NLRP14: variants seen among roughly 807,000 people sequenced by gnomAD.
NLRP14 encodes NLR family pyrin domain containing 14, also known as NACHT, LRR and PYD domains-containing protein 14.
NLRP14 carries 105 observed loss-of-function variants against 94.7 expected under a neutral mutation model. That is an observed-to-expected ratio of 1.11 (90% CI 0.95 to 1.30). The LOEUF (loss-of-function observed/expected upper bound fraction) is 1.30, where lower values mean the gene tolerates loss of function less well. Ranked by LOEUF, NLRP14 falls within the 50% of genes most tolerant of loss-of-function variation. The probability of loss-of-function intolerance (pLI) is 0.00; values close to 1 mark genes in which losing one functional copy is unlikely to be tolerated. For synonymous variants in NLRP14, 508 were observed against 459.9 expected (o/e 1.10, Z -1.34); for missense variants, 1,362 against 1,254.1 (o/e 1.09, Z -1.30).
chr11:7,046,610 T>A, intron 4 of NLRP14, 58 bp from the exon 5 acceptor site: 1 of 1,494,128 alleles, frequency 6.7e-7, no homozygotes, highest in Non-Finnish European at 9.3e-7. Flanking sequence ...CCTCTGAGAG[T>A]TGGCTAGGCT....
chr11:7,062,472 A>T lies in NLRP14; in HGVS notation c.2944A>T (p.Arg982Ter), dbSNP rs747517570. Residue 982 changes from arginine (R) to a stop codon, truncating the protein, a stop_gained, in exon 10 of 12, where the codon AGA becomes TGA. Transcript: ENST00000299481. LOFTEE classifies it high-confidence loss of function. The part of the protein sequence containing the change: ...DGVKILCDAL[R>*]YPNCNIQRLG... Reference sequence around the variant, plus strand: ...AGTGAAAATTCTGTGTGATGCTTTGAGATATCCAAACTGTAACATTCAGAG... The same window carrying T: ...AGTGAAAATTCTGTGTGATGCTTTGTGATATCCAAACTGTAACATTCAGAG... 1.9e-6 allele frequency: 3 copies of T among 1,613,122 alleles called. No individual in the cohort carries two copies. In the South Asian group the frequency reaches 3.3e-5, roughly 18 times the overall value.
chr11:7,063,677 A>G (rs991045599), intron 10 of NLRP14, among the ~76,000 whole-genome samples: 3 of 151,982 alleles, frequency 2.0e-5, no homozygotes, highest in African/African-American at 7.2e-5. Flanking sequence ...TCCATTGGCC[A>G]CTCTGATTAA....
At chr11:7,051,617 TTTC>T (rs1000281589) in intron 6 of NLRP14, among the ~76,000 whole-genome samples, 2 of 152,222 alleles carry the variant, frequency 1.3e-5, no homozygotes, top group African/African-American at 2.4e-5. Context: ...AATCACTAAT[TTTC>T]TTCTTTCTTT....
intron 1 of NLRP14, among the ~76,000 whole-genome samples, chr11:7,032,302 A>G (rs1394816607): frequency 6.6e-6 from 1 of 152,188 alleles, no homozygotes; most frequent in Non-Finnish European, 1.5e-5. Flanking sequence ...GTTTTGCTGT[A>G]TGACGAGGTC....
chr11:7,077,079 G>A, the NLRP14 span, among the ~76,000 whole-genome samples: 1 of 152,182 alleles, frequency 6.6e-6, no homozygotes, highest in Non-Finnish European at 1.5e-5. Context: ...TCCGGTGGGA[G>A]TCCCGGGATT....
intron 3 of NLRP14, among the ~76,000 whole-genome samples, chr11:7,040,165 T>C (rs1049521677): frequency 1.6e-4 from 24 of 152,338 alleles, no homozygotes; most frequent in African/African-American, 5.8e-4. Flanking sequence ...AACTGGTTCA[T>C]ATAAAAACTG....
Position 7,057,852 on chromosome 11 carries a change from G to A in NLRP14, c.2462+5G>A, listed in dbSNP as rs779394758. 4 of 1,609,552 alleles carry A rather than the reference G, an allele frequency of 2.5e-6. No individual in the cohort carries two copies. In the East Asian group the frequency reaches 6.7e-5, roughly 27 times the overall value. On this transcript the variant is annotated splice_donor_5th_base_variant and intron_variant, in intron 7 of 11. Coordinates refer to ENST00000299481, the MANE Select transcript of NLRP14 (RefSeq NM_176822.4). ...GTGTTATCTAGAGAGACTGTCGTGAGTGTTTCTGTTTTGTTTTCTGTAGAG... is the reference window on the plus strand; with the variant it reads ...GTGTTATCTAGAGAGACTGTCGTGAATGTTTCTGTTTTGTTTTCTGTAGAG...
chr11:7,087,684 T>C, the NLRP14 span, among the ~76,000 whole-genome samples: 30 of 152,086 alleles, frequency 2.0e-4, no homozygotes, highest in Admixed American at 5.9e-4. Context: ...TTCGAAAAAG[T>C]AGAAATAGAA....
chr11:7,072,339 C>T (rs1053720196), downstream of NLRP14, among the ~76,000 whole-genome samples: 12 of 152,268 alleles, frequency 7.9e-5, no homozygotes, highest in African/African-American at 2.4e-4. Context: ...TGTTATCAGC[C>T]GGAAGTCTAG....
At chr11:7,050,186 A>G (rs1852421486) in intron 6 of NLRP14, among the ~76,000 whole-genome samples, 1 of 152,224 alleles carries the variant, frequency 6.6e-6, no homozygotes, top group Admixed American at 6.5e-5. Context: ...GTAGAAAATA[A>G]TACAGTGGGG....
At chr11:7,062,529 A>G in intron 10 of NLRP14, 26 bp downstream of exon 10, 1 of 1,600,038 alleles carries the variant, frequency 6.2e-7, no homozygotes, top group Non-Finnish European at 8.6e-7. Context: ...TCCATTAGGA[A>G]AATGATGCCT....
rs149541731 is a variant in NLRP14, at chr11:7,042,561, G to T, written c.535G>T (p.Val179Leu). ...CAAAACCGGTGCACAGCCACAGATCGTGGTGCTTCAGGGAGCTGCTGGAGT... is the reference window on the plus strand; with the variant it reads ...CAAAACCGGTGCACAGCCACAGATCTTGGTGCTTCAGGGAGCTGCTGGAGT... ...DVKTGAQPQI[V>L]VLQGAAGVGK... Residue 179 changes from valine (V) to leucine (L), a missense_variant, in exon 4 of 12, where the codon GTG (valine) becomes TTG (leucine). Physicochemically the swap from Val to Leu is conservative, Grantham distance 32. Transcript: ENST00000299481. The T allele has an allele frequency of 6.2e-7, 1 of 1,614,258 alleles. No homozygotes were observed. Among genetic ancestry groups the T allele is most frequent in the African/African-American group, 1.3e-5 (1 of 75,082 alleles).
At chr11:7,074,007 G>A (rs981441313), downstream of NLRP14, among the ~76,000 whole-genome samples, 1 of 152,140 alleles carries the variant, frequency 6.6e-6, no homozygotes, top group African/African-American at 2.4e-5. Context: ...CACATGGTTG[G>A]TTCTCCTAGC....
intron 4 of NLRP14, among the ~76,000 whole-genome samples, chr11:7,046,460 A>T (rs113666948): frequency 1.3e-5 from 2 of 152,222 alleles, no homozygotes; most frequent in African/African-American, 2.4e-5. Flanking sequence ...AAGGGAGTGG[A>T]TGGGAAACGG....
At chr11:7,064,991 A>C (rs1241739978) in intron 10 of NLRP14, among the ~76,000 whole-genome samples, 1 of 151,974 alleles carries the variant, frequency 6.6e-6, no homozygotes, top group African/African-American at 2.4e-5. Flanking sequence ...CTTAATTAAT[A>C]TAGCTCTATG....
chr11:7,077,329 C>T, the NLRP14 span, among the ~76,000 whole-genome samples: 2 of 152,222 alleles, frequency 1.3e-5, no homozygotes, highest in African/African-American at 2.4e-5. Context: ...GAGCCCACAA[C>T]GGCTAGCATT....
intron 1 of NLRP14, 33 bp from the exon 2 acceptor site, chr11:7,038,533 A>G (rs2119597896): frequency 3.9e-6 from 6 of 1,523,414 alleles, no homozygotes; most frequent in Non-Finnish European, 4.5e-6. Context: ...CATTTATTCC[A>G]TGTGCTTTTG....
intron 3 of NLRP14, 69 bp from the exon 4 acceptor site, chr11:7,042,319 C>T: frequency 7.8e-7 from 1 of 1,286,526 alleles, no homozygotes; most frequent in Admixed American, 1.7e-5. Context: ...CTTGACATTA[C>T]ATTTCATAGA....
At chr11:7,037,873 G>T (rs761246105) in intron 1 of NLRP14, among the ~76,000 whole-genome samples, 2 of 152,218 alleles carry the variant, frequency 1.3e-5, no homozygotes, top group Non-Finnish European at 2.9e-5. Flanking sequence ...TGTCAAAGAC[G>T]TGAGATGAGG....
Sources: allele counts gnomAD v4.1 joint callset (sites outside exome capture counted in the v4.1 genomes callset), GRCh38; gene constraint gnomAD v4.1.1; transcripts MANE v1.5; gene names NCBI Gene and HGNC (gene_info 2026-07-23, HGNC 2026-07-21).